PPARGC1A: variants seen among roughly 807,000 people sequenced by gnomAD.
The protein encoded by PPARGC1A is peroxisome proliferator-activated receptor gamma coactivator 1-alpha.
A neutral mutation model predicts 88.7 loss-of-function variants in PPARGC1A; 25 were observed. The observed-to-expected ratio is 0.28, with a 90% CI of 0.21 to 0.39. The LOEUF (loss-of-function observed/expected upper bound fraction) is 0.39. PPARGC1A is among the 10% of genes least tolerant of loss of function. The probability of loss-of-function intolerance (pLI) is 1.00; values close to 1 mark genes in which losing one functional copy is unlikely to be tolerated. For synonymous variants in PPARGC1A, 363 were observed against 355.6 expected (o/e 1.02, Z -0.24); for missense variants, 880 against 968.7 (o/e 0.91, Z 1.22).
upstream of PPARGC1A, among the ~76,000 whole-genome samples, chr4:23,891,956 G>T (rs2946386): frequency 0.022 from 3,398 of 152,176 alleles, 43 homozygotes; most frequent in African/African-American, 0.034. Flanking sequence ...CTGCCCTCAA[G>T]GATCAACTGT....
chr4:23,846,539 A>G (rs1728354259), intron 2 of PPARGC1A, among the ~76,000 whole-genome samples: 1 of 152,328 alleles, frequency 6.6e-6, no homozygotes, highest in South Asian at 2.1e-4. Context: ...TAACCTCCAT[A>G]GAAATACTGG....
At chr4:23,886,302 T>C (rs900550731) in intron 1 of PPARGC1A, among the ~76,000 whole-genome samples, 2 of 152,214 alleles carry the variant, frequency 1.3e-5, no homozygotes, top group African/African-American at 4.8e-5. Flanking sequence ...CAGATTTTCT[T>C]TCTCAAGCAC....
At chr4:23,807,073 A>G (rs1177836812) in intron 10 of PPARGC1A, among the ~76,000 whole-genome samples, 1 of 152,190 alleles carries the variant, frequency 6.6e-6, no homozygotes, top group African/African-American at 2.4e-5. Flanking sequence ...CTACATATCA[A>G]CTTTGGCAGT....
chr4:24,414,228 C>T, the PPARGC1A span, among the ~76,000 whole-genome samples: 114,596 of 152,176 alleles, frequency 0.75, 43,341 homozygotes, highest in East Asian at 0.79. Context: ...GATTACAAAG[C>T]GATTTCATGT....
intron 1 of PPARGC1A, among the ~76,000 whole-genome samples, chr4:23,895,503 C>A (rs966238668): frequency 1.3e-5 from 2 of 151,778 alleles, no homozygotes; most frequent in African/African-American, 4.8e-5. Flanking sequence ...GAAATAAATT[C>A]TCATCTTAAG....
the PPARGC1A span, among the ~76,000 whole-genome samples, chr4:24,213,639 A>G: frequency 1.3e-5 from 2 of 152,168 alleles, no homozygotes; most frequent in Non-Finnish European, 2.9e-5. Flanking sequence ...CAAGCAACTT[A>G]TAAAATTGAT....
chr4:24,319,374 A>T, the PPARGC1A span, among the ~76,000 whole-genome samples: 2 of 152,204 alleles, frequency 1.3e-5, no homozygotes, highest in Admixed American at 6.5e-5. Context: ...AAACTCATTC[A>T]TTTGAGAAAA....
chr4:24,034,134 A>C, the PPARGC1A span, among the ~76,000 whole-genome samples: 3 of 152,302 alleles, frequency 2.0e-5, no homozygotes, highest in Admixed American at 2.0e-4. Flanking sequence ...ATTTCTCCCC[A>C]GGAGTAGCTC....
chr4:24,027,248 C>CTGTGTGT, the PPARGC1A span, among the ~76,000 whole-genome samples: 1 of 83,372 alleles, frequency 1.2e-5, no homozygotes. Flanking sequence ...TGTGTGTGTG[C>CTGTGTGT]GTGCATATTT....
At chr4:24,107,921 G>T in the PPARGC1A span, among the ~76,000 whole-genome samples, 1 of 152,116 alleles carries the variant, frequency 6.6e-6, no homozygotes, top group African/African-American at 2.4e-5. Flanking sequence ...AATTTATTAG[G>T]TTTGCCAAGT....
At chr4:24,002,809 C>T in the PPARGC1A span, among the ~76,000 whole-genome samples, 4 of 152,256 alleles carry the variant, frequency 2.6e-5, no homozygotes, top group Non-Finnish European at 4.4e-5. Context: ...TGGCATGCCA[C>T]GTATGCCCAC....
chr4:24,029,827 A>AG, the PPARGC1A span, among the ~76,000 whole-genome samples: 2 of 130,214 alleles, frequency 1.5e-5, no homozygotes, highest in African/African-American at 2.7e-5. Flanking sequence ...TAATTACCAG[A>AG]GAAAACATCT....
the PPARGC1A span, among the ~76,000 whole-genome samples, chr4:24,193,962 C>G: frequency 6.6e-6 from 1 of 152,096 alleles, no homozygotes; most frequent in African/African-American, 2.4e-5. Flanking sequence ...AACCCTGTCT[C>G]TACTAAAAAT....
rs769230116 is a variant in PPARGC1A at position 23,829,511 on chromosome 4, G to C, written c.504C>G (p.Asn168Lys). ...YNECSGLSTQ[N>K]HANHNHRIRT... ...TGATCCTGTGATTGTGATTTGCATG[G>C]TTCTGGGTACTGAGACCACTGCATT... Residue 168 changes from asparagine (N) to lysine (K), a missense_variant, in exon 4 of 13, where the codon AAC becomes AAG. Transcript: ENST00000264867. 2 of 1,613,762 alleles carry C rather than the reference G, an allele frequency of 1.2e-6. No individual in the cohort carries two copies. The highest frequency in any genetic ancestry group is 1.7e-6 in the Non-Finnish European group (2 of 1,179,672).
the PPARGC1A span, among the ~76,000 whole-genome samples, chr4:24,186,215 A>T: frequency 6.6e-6 from 1 of 152,130 alleles, no homozygotes. Context: ...CAAGAGAGAG[A>T]TAAGAAACAC....
chr4:24,228,032 C>A, the PPARGC1A span, among the ~76,000 whole-genome samples: 1 of 152,142 alleles, frequency 6.6e-6, no homozygotes, highest in Non-Finnish European at 1.5e-5. Flanking sequence ...ACTGAGCCTG[C>A]GCAGCTCAGC....
chr4:23,900,388 C>A (rs1248985032), upstream of PPARGC1A, among the ~76,000 whole-genome samples: 1 of 151,978 alleles, frequency 6.6e-6, no homozygotes, highest in Non-Finnish European at 1.5e-5. Context: ...TATTATCTAT[C>A]TGTAGGAACT....
chr4:24,240,913 T>C, the PPARGC1A span, among the ~76,000 whole-genome samples: 2 of 152,126 alleles, frequency 1.3e-5, no homozygotes, highest in Non-Finnish European at 1.5e-5. Flanking sequence ...AGATCATTGG[T>C]GGCATGACCT....
the PPARGC1A span, among the ~76,000 whole-genome samples, chr4:24,106,265 T>G: frequency 6.6e-6 from 1 of 152,184 alleles, no homozygotes; most frequent in Non-Finnish European, 1.5e-5. Context: ...CTGTTTCTTA[T>G]GAATTTCCCA....
Sources: allele counts gnomAD v4.1 joint callset (sites outside exome capture counted in the v4.1 genomes callset), GRCh38; gene constraint gnomAD v4.1.1; transcripts MANE v1.5; gene names NCBI Gene and HGNC (gene_info 2026-07-23, HGNC 2026-07-21).